PRRC2B: variants seen among roughly 807,000 people sequenced by gnomAD.
PRRC2B encodes protein PRRC2B.
A neutral mutation model predicts 242.3 loss-of-function variants in PRRC2B; 68 were observed. The ratio of observed to expected loss-of-function variants is 0.28; its 90% CI spans 0.23 to 0.34. The LOEUF is 0.34. PRRC2B is among the 10% of genes least tolerant of loss of function. The pLI, the probability that PRRC2B is intolerant of heterozygous loss-of-function variation, is 1.00. For missense variants in PRRC2B, 2,835 were observed against 2,954.8 expected (o/e 0.96, Z 0.94); for synonymous variants, 1,228 against 1,173.6 (o/e 1.05, Z -0.95).
intron 1 of PRRC2B, among the ~76,000 whole-genome samples, chr9:131,399,276 CAA>C (rs72492020): frequency 2.5e-4 from 11 of 44,230 alleles, no homozygotes; most frequent in African/African-American, 5.0e-4. Context: ...AATTCTGTCT[CAA>C]AAAAAAAAAA....
chr9:131,486,472 G>A, intron 26 of PRRC2B: 1 of 985,238 alleles, frequency 1.0e-6, no homozygotes, highest in Non-Finnish European at 1.2e-6. Context: ...AATTTTCTTT[G>A]GTGATCAGGT....
At chr9:131,391,251 G>C (rs1257795259), upstream of PRRC2B, among the ~76,000 whole-genome samples, 1 of 152,062 alleles carries the variant, frequency 6.6e-6, no homozygotes, top group Admixed American at 6.6e-5. Flanking sequence ...TCTTCTGGAG[G>C]CTTTAGGGGA....
At position 131,430,123 on chromosome 9, in the gene PRRC2B, T is replaced by C; in HGVS notation, c.-22T>C. Reference sequence around the variant, plus strand: ...GGAGCGGTGCCGAGAAAAATTTCCTTACTAGATGACATTTCATCGCAATGT... The same window carrying C: ...GGAGCGGTGCCGAGAAAAATTTCCTCACTAGATGACATTTCATCGCAATGT... On this transcript the variant is annotated 5_prime_UTR_variant, in exon 2 of 32. Coordinates refer to ENST00000683519, the MANE Select transcript of PRRC2B (RefSeq NM_013318.4). 3 of 1,484,434 alleles carry C rather than the reference T, an allele frequency of 2.0e-6. No homozygotes were observed. The highest frequency in any genetic ancestry group is 1.8e-5 in the Admixed American group (1 of 54,120). 92.0% of individuals were successfully genotyped at this position (1,484,434 alleles called of 1,614,324 possible).
intron 5 of PRRC2B, 72 bp from the exon 6 acceptor site, chr9:131,444,113 G>C: frequency 6.4e-7 from 1 of 1,555,546 alleles, no homozygotes; most frequent in Non-Finnish European, 8.8e-7. Flanking sequence ...GGCTTTCAAG[G>C]TGTGGAGCTG....
chr9:131,393,555 AAG>A (rs943494800), upstream of PRRC2B, among the ~76,000 whole-genome samples: 1 of 152,232 alleles, frequency 6.6e-6, no homozygotes, highest in Non-Finnish European at 1.5e-5. Context: ...GAAATGAAAA[AAG>A]TATTATTTCT....
rs75095095 is a variant in PRRC2B at position 131,399,831 on chromosome 9, T to C, written c.-52+5568T>C. ...AATTATATAATTGCTATTATACGGA[T>C]ATGCCATAATTTATTGACTCCTGTA... On this transcript the variant is annotated intron_variant, in intron 1 of 31. Transcript: ENST00000683519. Among the ~76,000 whole-genome samples the C allele has an allele frequency of 1.9e-3, 282 of 152,352 alleles. 2 individuals are homozygous for C. Among genetic ancestry groups the C allele is most frequent in the Non-Finnish European group, 3.6e-3 (246 of 68,030 alleles).
chr9:131,440,532 AAC>A (rs1342393765), intron 5 of PRRC2B, among the ~76,000 whole-genome samples: 21 of 152,354 alleles, frequency 1.4e-4, no homozygotes, highest in South Asian at 6.2e-4. Context: ...GCAAAATAAT[AAC>A]ACATAATACC....
chr9:131,378,548 G>A (rs1459177234), intron 1 of PRRC2B, among the ~76,000 whole-genome samples: 1 of 152,134 alleles, frequency 6.6e-6, no homozygotes, highest in Non-Finnish European at 1.5e-5. Context: ...AGGGCTGTGA[G>A]CAGCAGCTTT....
intron 1 of PRRC2B, among the ~76,000 whole-genome samples, chr9:131,417,323 C>T (rs2095241): frequency 6.6e-6 from 1 of 152,032 alleles, no homozygotes; most frequent in Non-Finnish European, 1.5e-5. Context: ...TGGGGGGTCT[C>T]CTTTCCCCAC....
chr9:131,404,580 C>T (rs897913775), intron 1 of PRRC2B, among the ~76,000 whole-genome samples: 4 of 99,118 alleles, frequency 4.0e-5, no homozygotes, highest in Admixed American at 1.2e-4. Context: ...AAGGCTCTTC[C>T]CCACTCTCTC....
chr9:131,482,841 C>T lies in PRRC2B; in HGVS notation c.5307C>T (p.Asn1769=), dbSNP rs376886048. 2.0e-5 allele frequency: 32 copies of T among 1,608,400 alleles called. No homozygotes were observed. The highest frequency in any genetic ancestry group is 1.6e-4 in the Middle Eastern group (1 of 6,074). The part of the protein sequence containing the change: ...RLQGAVVPPV[N]GVEIHVDSVL... The stretch of plus-strand genomic sequence containing the variant: ...AAGGGGCTGTCGTCCCGCCTGTTAA[C>T]GGGGTGGAGATTCACGTGGACTCCG... The change falls in exon 22 of 32, where the codon AAC becomes AAT. Residue 1769 remains asparagine, a synonymous_variant. Transcript: ENST00000683519. This position sits in a 1 kb window ranked among gnomAD's most constrained non-coding sequence, Gnocchi z 5.2.
chr9:131,413,088 C>G (rs552291614), intron 1 of PRRC2B, among the ~76,000 whole-genome samples: 1 of 152,190 alleles, frequency 6.6e-6, no homozygotes, highest in Non-Finnish European at 1.5e-5. Context: ...AATTAATGTA[C>G]TTTATATTCT....
intron 1 of PRRC2B, among the ~76,000 whole-genome samples, chr9:131,423,222 G>A (rs765194837): frequency 5.3e-5 from 8 of 152,196 alleles, no homozygotes; most frequent in South Asian, 2.1e-4. Context: ...CGTCTATGCC[G>A]GGTCTAGTCC....
intron 1 of PRRC2B, among the ~76,000 whole-genome samples, chr9:131,395,214 C>T (rs538870595): frequency 6.6e-6 from 1 of 152,076 alleles, no homozygotes; most frequent in Admixed American, 6.5e-5. Context: ...AAATGGCTTC[C>T]TGGGAGAAAT....
chr9:131,497,378 G>A lies in PRRC2B; in HGVS notation c.*1504G>A, dbSNP rs1351640383. On this transcript the variant is annotated 3_prime_UTR_variant, in exon 32 of 32. Transcript: ENST00000683519. ...ATTCTGTCATTCCAAGGAAAGGGAA[G>A]GGGACAGTTCAGGTTTCTCAGCTGT... 1 of 152,286 alleles carries A rather than the reference G, an allele frequency of 6.6e-6. No individual in the cohort carries two copies. Among genetic ancestry groups the A allele is most frequent in the African/African-American group, 2.4e-5 (1 of 41,468 alleles). The allele number at this position is 152,286 out of a possible 1,614,324, so 9.4% of individuals were successfully genotyped here.
intron 1 of PRRC2B, among the ~76,000 whole-genome samples, chr9:131,405,469 C>T (rs189983856): frequency 3.9e-5 from 6 of 152,238 alleles, no homozygotes; most frequent in African/African-American, 1.4e-4. Context: ...TTGCTGTTGG[C>T]GCTTTTGCAG....
upstream of PRRC2B, among the ~76,000 whole-genome samples, chr9:131,393,086 T>A (rs1836932203): frequency 6.6e-6 from 1 of 152,116 alleles, no homozygotes; most frequent in African/African-American, 2.4e-5. Flanking sequence ...TAGGCTGAAG[T>A]GGGTTAATTT....
chr9:131,416,922 A>C (rs1837673262), intron 1 of PRRC2B, among the ~76,000 whole-genome samples: 1 of 152,240 alleles, frequency 6.6e-6, no homozygotes, highest in Non-Finnish European at 1.5e-5. Flanking sequence ...TGATTTTATG[A>C]GGATATTAAT....
At chr9:131,404,460 G>C (rs960802519) in intron 1 of PRRC2B, among the ~76,000 whole-genome samples, 1 of 151,776 alleles carries the variant, frequency 6.6e-6, no homozygotes, top group African/African-American at 2.4e-5. Context: ...GACCTCAGGC[G>C]AGCCACCCGC....
Sources: gnomAD v4.1 joint callset for allele counts (sites outside exome capture counted in the v4.1 genomes callset) on GRCh38, gnomAD v4.1.1 for gene constraint, Gnocchi (gnomAD v3.1) non-coding constraint, MANE v1.5 for transcripts, NCBI Gene and HGNC (gene_info 2026-07-23, HGNC 2026-07-21) for gene names.